SMPDL3A: variants seen among roughly 807,000 people sequenced by gnomAD.
SMPDL3A encodes cyclic GMP-AMP phosphodiesterase SMPDL3A.
A neutral mutation model predicts 38.5 loss-of-function variants in SMPDL3A; 39 were observed. The observed-to-expected ratio is 1.01, with a 90% CI of 0.78 to 1.32. The LOEUF (loss-of-function observed/expected upper bound fraction) is 1.32, where lower values mean the gene tolerates loss of function less well. Ranked by LOEUF, SMPDL3A falls within the 40% of genes most tolerant of loss-of-function variation. The pLI is 0.00. For synonymous variants in SMPDL3A, 180 were observed against 194.3 expected, an observed-to-expected ratio of 0.93 and a Z score of 0.61; for missense variants, 502 against 536.2, an observed-to-expected ratio of 0.94 and a Z score of 0.63.
At chr6:122,795,258 C>T (rs1781204741) in intron 1 of SMPDL3A, among the ~76,000 whole-genome samples, 1 of 152,152 alleles carries the variant, frequency 6.6e-6, no homozygotes, top group South Asian at 2.1e-4. Context: ...TCTCCTGCGT[C>T]AGCTTCCCAA....
At chr6:122,801,236 G>C (rs1484730551) in intron 3 of SMPDL3A, 74 bp from the exon 4 acceptor site, 1 of 1,010,296 alleles carries the variant, frequency 9.9e-7, no homozygotes, top group Non-Finnish European at 1.6e-6. Flanking sequence ...AGTAGTCAGT[G>C]CTCAAGTAGT....
intron 1 of SMPDL3A, among the ~76,000 whole-genome samples, chr6:122,791,026 C>T (rs565171184): frequency 6.6e-6 from 1 of 152,288 alleles, no homozygotes; most frequent in African/African-American, 2.4e-5. Context: ...AGTGTTCACT[C>T]AGCAGTTTCA....
chr6:122,804,145 G>A (rs1311339805), intron 5 of SMPDL3A, among the ~76,000 whole-genome samples: 1 of 151,136 alleles, frequency 6.6e-6, no homozygotes, highest in Non-Finnish European at 1.5e-5. Flanking sequence ...CCACCACCAC[G>A]CCTGGCTAAT....
chr6:122,803,310 TTAAGCCCCTAATCATAAAAG>T (rs1262591030), intron 4 of SMPDL3A, among the ~76,000 whole-genome samples: 1 of 152,254 alleles, frequency 6.6e-6, no homozygotes, highest in African/African-American at 2.4e-5. Context: ...GTCTCTCATC[TTAAGCCCCTAATCATAAAAG>T]TAGAAGTTGA....
At chr6:122,800,795 G>A (rs958816154) in intron 3 of SMPDL3A, among the ~76,000 whole-genome samples, 3 of 152,090 alleles carry the variant, frequency 2.0e-5, no homozygotes, top group Non-Finnish European at 2.9e-5. Flanking sequence ...CAGTTGCCCA[G>A]GCTGAAGTGC....
At chr6:122,803,441 A>C (rs577683040) in intron 4 of SMPDL3A, among the ~76,000 whole-genome samples, 1 of 152,304 alleles carries the variant, frequency 6.6e-6, no homozygotes, top group South Asian at 2.1e-4. Context: ...TGTTATCTCA[A>C]TATGTTGGAA....
At chr6:122,802,131 A>T (rs1435347369) in intron 4 of SMPDL3A, among the ~76,000 whole-genome samples, 3 of 151,164 alleles carry the variant, frequency 2.0e-5, no homozygotes, top group Non-Finnish European at 2.9e-5. Flanking sequence ...GTATATATGA[A>T]TTTGAGACAT....
chr6:122,795,619 T>C (rs1390436408), intron 1 of SMPDL3A, 58 bp from the exon 2 acceptor site: 8 of 1,294,864 alleles, frequency 6.2e-6, no homozygotes, highest in Non-Finnish European at 8.8e-6. Context: ...TAAATATTTT[T>C]ATGAGAATTC....
intron 1 of SMPDL3A, 86 bp downstream of exon 1, chr6:122,789,544 G>C: frequency 8.3e-7 from 1 of 1,203,976 alleles, no homozygotes; most frequent in Non-Finnish European, 1.2e-6. Flanking sequence ...AGTGCGTGGG[G>C]GCAGCTGCCC....
chr6:122,804,808 T>C (rs1325835120), intron 5 of SMPDL3A, 101 bp from the exon 6 acceptor site: 2 of 978,664 alleles, frequency 2.0e-6, no homozygotes, highest in Non-Finnish European at 3.1e-6. Flanking sequence ...CTTTCTAAAT[T>C]TTAATTAATA....
chr6:122,793,365 G>T (rs9490552), intron 1 of SMPDL3A, among the ~76,000 whole-genome samples: 3,149 of 152,266 alleles, frequency 0.021, 104 homozygotes, highest in African/African-American at 0.07. Flanking sequence ...GGGTGGTGGA[G>T]CTTGGGTTGG....
At chr6:122,794,237 A>C (rs939246156) in intron 1 of SMPDL3A, among the ~76,000 whole-genome samples, 2 of 152,208 alleles carry the variant, frequency 1.3e-5, no homozygotes, top group Non-Finnish European at 2.9e-5. Flanking sequence ...AGTGCCTGGC[A>C]CATAGAAAAT....
intron 1 of SMPDL3A, among the ~76,000 whole-genome samples, chr6:122,793,003 C>G (rs1781127239): frequency 6.6e-6 from 1 of 152,106 alleles, no homozygotes; most frequent in Admixed American, 6.5e-5. Flanking sequence ...CATAGTTTAG[C>G]CCTGTTGCAG....
intron 2 of SMPDL3A, among the ~76,000 whole-genome samples, chr6:122,796,123 A>G (rs1316517887): frequency 6.6e-6 from 1 of 152,204 alleles, no homozygotes; most frequent in Non-Finnish European, 1.5e-5. Context: ...AGATGAATCC[A>G]TAAACAGCAC....
At chr6:122,792,894 T>G (rs1480199813) in intron 1 of SMPDL3A, among the ~76,000 whole-genome samples, 1 of 152,198 alleles carries the variant, frequency 6.6e-6, no homozygotes, top group Non-Finnish European at 1.5e-5. Context: ...TGTTTTCATG[T>G]GAGGCAAGTG....
chr6:122,794,596 C>G (rs76667701), intron 1 of SMPDL3A, among the ~76,000 whole-genome samples: 1 of 151,388 alleles, frequency 6.6e-6, no homozygotes, highest in East Asian at 1.9e-4. Flanking sequence ...GACTCCATCT[C>G]AAAAAAAACA....
rs889552264 is a variant in SMPDL3A at position 122,789,449 on chromosome 6, C to G, written c.103C>G (p.Pro35Ala). The change falls in exon 1 of 8, where the codon CCG (proline) becomes GCG (alanine). Residue 35 changes from proline to alanine, a missense_variant. Pro to Ala is a conservative substitution (Grantham distance 27). Transcript: ENST00000368440. ...VAPAGGRNPPPAIGQFWHVTD... is the reference protein window; with the variant it reads ...VAPAGGRNPPAAIGQFWHVTD... ...GCCCGCAGGCGGCAGGAATCCTCCT[C>G]CGGCGATAGGTGAGTTGTCCGCGAC... 6.5e-7 allele frequency: 1 copy of G among 1,548,986 alleles called. No homozygotes were observed. The highest frequency in any genetic ancestry group is 8.7e-7 in the Non-Finnish European group (1 of 1,145,908).
In SMPDL3A at chr6:122,795,582, G is replaced by A. The variant is rs1282264971; in HGVS notation, c.113-95G>A. 5.6e-6 allele frequency: 5 copies of A among 888,212 alleles called. No individual in the cohort carries two copies. In the Admixed American group the frequency reaches 9.8e-5, roughly 17 times the overall value. The allele number at this position is 888,212 out of a possible 1,614,324, so 55.0% of individuals were successfully genotyped here. ...TACCAAGGCTTTCCTCCATCACAGGGAGGAACAACCGTCTCTAGTCTTAAT... is the reference window on the plus strand; with the variant it reads ...TACCAAGGCTTTCCTCCATCACAGGAAGGAACAACCGTCTCTAGTCTTAAT... On this transcript the variant is annotated intron_variant, in intron 1 of 7. Coordinates refer to ENST00000368440, the MANE Select transcript of SMPDL3A (RefSeq NM_006714.5).
Position 122,804,961 on chromosome 6 carries a change from T to G in SMPDL3A, c.791T>G (p.Ile264Ser), listed in dbSNP as rs111976561. 5,988 of 1,613,432 alleles carry G rather than the reference T, an allele frequency of 3.7e-3. 10 individuals carry two copies. The highest frequency in any genetic ancestry group is 4.6e-3 in the Non-Finnish European group (5,480 of 1,179,802). Residue 264 changes from isoleucine to serine, a missense_variant, in exon 6 of 8, where the codon ATC becomes AGC. Coordinates refer to ENST00000368440, the MANE Select transcript of SMPDL3A (RefSeq NM_006714.5). The part of the protein sequence containing the change: ...PVGYLPSSQN[I>S]TAMREYYNEK... The stretch of plus-strand genomic sequence containing the variant: ...GGGTATCTGCCATCTTCACAGAACA[T>G]CACAGCAATGAGAGAATACTATAAT...
Sources: allele counts gnomAD v4.1 joint callset (sites outside exome capture counted in the v4.1 genomes callset), GRCh38; gene constraint gnomAD v4.1.1; transcripts MANE v1.5; gene names NCBI Gene and HGNC (gene_info 2026-07-23, HGNC 2026-07-21).